ANKS1B: variants seen among roughly 807,000 people sequenced by gnomAD.
ANKS1B encodes ankyrin repeat and sterile alpha motif domain containing 1B.
Under a neutral mutation model 148.3 loss-of-function variants are expected in ANKS1B, and 36 were observed. The ratio of observed to expected loss-of-function variants is 0.24; its 90% CI spans 0.19 to 0.32. The LOEUF (loss-of-function observed/expected upper bound fraction) is 0.32, where lower values mean the gene tolerates loss of function less well. ANKS1B is among the 10% of genes least tolerant of loss of function. ANKS1B has a pLI of 1.00. For missense variants in ANKS1B, 1,157 were observed against 1,542.6 expected (o/e 0.75, Z 4.19); for synonymous variants, 542 against 560.8 (o/e 0.97, Z 0.47).
intron 19 of ANKS1B, among the ~76,000 whole-genome samples, chr12:98,811,145 C>T (rs1042342402): frequency 9.2e-5 from 14 of 152,222 alleles, no homozygotes; most frequent in Non-Finnish European, 1.8e-4. Flanking sequence ...CCTAGGTTCT[C>T]CTGTGTCCCC....
intron 15 of ANKS1B, among the ~76,000 whole-genome samples, chr12:99,121,495 T>C (rs2062873774): frequency 6.6e-6 from 1 of 152,162 alleles, no homozygotes; most frequent in African/African-American, 2.4e-5. Context: ...TGAGTATTTA[T>C]TTCTGCATTA....
At chr12:99,675,028 T>C (rs1334749046) in intron 8 of ANKS1B, among the ~76,000 whole-genome samples, 3 of 151,984 alleles carry the variant, frequency 2.0e-5, no homozygotes, top group Non-Finnish European at 4.4e-5. Context: ...TTAGTATTTA[T>C]AGCAATTAAA....
chr12:99,505,994 T>C (rs1435415943), intron 9 of ANKS1B, among the ~76,000 whole-genome samples: 2 of 152,058 alleles, frequency 1.3e-5, no homozygotes, highest in East Asian at 1.9e-4. Flanking sequence ...CTTACCCTTG[T>C]GGTTTTGTGG....
At chr12:99,288,514 G>A (rs190449401) in intron 12 of ANKS1B, among the ~76,000 whole-genome samples, 23 of 152,120 alleles carry the variant, frequency 1.5e-4, no homozygotes, top group Admixed American at 1.3e-3. Context: ...AGACAAACAC[G>A]TAATATTAGA....
chr12:99,160,575 C>T (rs1186905999), intron 14 of ANKS1B, among the ~76,000 whole-genome samples: 1 of 150,816 alleles, frequency 6.6e-6, no homozygotes, highest in Admixed American at 6.6e-5. Flanking sequence ...GTCTCGATCT[C>T]CTGACCTCAT....
chr12:99,266,865 C>T (rs7962002), intron 12 of ANKS1B, among the ~76,000 whole-genome samples: 48,848 of 151,944 alleles, frequency 0.32, 9,377 homozygotes, highest in African/African-American at 0.54. Context: ...AGACACTAAG[C>T]GAGGTGCTGT....
chr12:99,636,436 A>G (rs1445195536), intron 9 of ANKS1B, among the ~76,000 whole-genome samples: 1 of 152,184 alleles, frequency 6.6e-6, no homozygotes, highest in Non-Finnish European at 1.5e-5. Context: ...CATGAGTTCC[A>G]CAATATAACT....
chr12:98,989,057 G>C (rs1414229284), intron 17 of ANKS1B, among the ~76,000 whole-genome samples: 1 of 152,084 alleles, frequency 6.6e-6, no homozygotes, highest in Non-Finnish European at 1.5e-5. Context: ...ACACTCTGTA[G>C]GTTGTCTTTT....
chr12:98,735,542 T>TATG (rs777158081), exon 10 of ANKS1B: 19 of 760,252 alleles, frequency 2.5e-5, no homozygotes, highest in Non-Finnish European at 4.2e-5. Flanking sequence ...TTATCAGCTA[T>TATG]ATGTAAATTC....
At chr12:99,309,877 A>G (rs949671302) in intron 12 of ANKS1B, among the ~76,000 whole-genome samples, 16 of 152,166 alleles carry the variant, frequency 1.1e-4, no homozygotes, top group African/African-American at 3.9e-4. Flanking sequence ...AACATTACTT[A>G]AAGATTTTAA....
At chr12:99,713,057 A>G (rs1299727029) in intron 8 of ANKS1B, among the ~76,000 whole-genome samples, 2 of 152,294 alleles carry the variant, frequency 1.3e-5, no homozygotes, top group Non-Finnish European at 1.5e-5. Flanking sequence ...CTGATACAAC[A>G]TTCTCAAAAA....
chr12:99,880,533 A>G (rs1473692097), intron 1 of ANKS1B, among the ~76,000 whole-genome samples: 4 of 152,194 alleles, frequency 2.6e-5, no homozygotes, highest in Non-Finnish European at 4.4e-5. Flanking sequence ...AAGATTTCAA[A>G]ACGACACTGC....
intron 8 of ANKS1B, among the ~76,000 whole-genome samples, chr12:99,733,505 A>T (rs978148855): frequency 6.6e-6 from 1 of 152,196 alleles, no homozygotes; most frequent in African/African-American, 2.4e-5. Flanking sequence ...GAGAAATTAC[A>T]ATGTTCTAGG....
At chr12:99,298,112 GATGTCTGTAC>G (rs2081142055) in intron 12 of ANKS1B, among the ~76,000 whole-genome samples, 1 of 152,082 alleles carries the variant, frequency 6.6e-6, no homozygotes, top group Admixed American at 6.6e-5. Flanking sequence ...ATACCTGTCA[GATGTCTGTAC>G]ATGTCAGGAA....
At chr12:98,955,247 C>T (rs1170489905) in intron 17 of ANKS1B, among the ~76,000 whole-genome samples, 1 of 152,034 alleles carries the variant, frequency 6.6e-6, no homozygotes, top group Non-Finnish European at 1.5e-5. Context: ...GAGAAGACCA[C>T]CTTTGAGAAC....
chr12:99,927,795 AAAG>A (rs1308648017), intron 1 of ANKS1B, among the ~76,000 whole-genome samples: 23 of 152,290 alleles, frequency 1.5e-4, no homozygotes, highest in East Asian at 3.9e-4. Context: ...AAAAGAAAAA[AAAG>A]AAGAAGAAAC....
chr12:99,431,126 T>C (rs1162429449), intron 11 of ANKS1B, among the ~76,000 whole-genome samples: 1 of 152,200 alleles, frequency 6.6e-6, no homozygotes, highest in Non-Finnish European at 1.5e-5. Flanking sequence ...AAGGCGAAAA[T>C]ATAGGTCCTT....
chr12:99,326,861 A>G (rs1566898982), intron 12 of ANKS1B, among the ~76,000 whole-genome samples: 1 of 150,906 alleles, frequency 6.6e-6, no homozygotes, highest in Non-Finnish European at 1.5e-5. Context: ...ATGCCTAATG[A>G]CAATTTTCCA....
chr12:99,635,066 C>T lies in ANKS1B; in HGVS notation c.1272+20001G>A, dbSNP rs138639642. Among the ~76,000 whole-genome samples, 24 of 152,176 alleles carry T rather than the reference C, an allele frequency of 1.6e-4. No individual in the cohort carries two copies. The East Asian group carries it at 4.6e-3, about 29-fold the overall frequency. On this transcript the variant is annotated intron_variant, in intron 9 of 26. Transcript: ENST00000683438. ...AAATCAAAACCACAAAGAGATGTTA[C>T]TTCACAACCATCAGGATGGCTACTA...
Sources: gnomAD v4.1 joint callset for allele counts (sites outside exome capture counted in the v4.1 genomes callset) on GRCh38, gnomAD v4.1.1 for gene constraint, MANE v1.5 for transcripts, NCBI Gene and HGNC (gene_info 2026-07-23, HGNC 2026-07-21) for gene names.